Variants in KIAA1328 observed in about 807,000 individuals in gnomAD.
KIAA1328 encodes the protein KIAA1328, also known as protein hinderin.
In KIAA1328, 52 loss-of-function variants were observed where a neutral mutation model predicts 68.1. The ratio of observed to expected loss-of-function variants is 0.76; its 90% CI spans 0.61 to 0.96. KIAA1328 has a LOEUF of 0.96. Among genes scored for constraint, KIAA1328 ranks in the 40% least tolerant of loss-of-function variants. The pLI is 0.00. For missense variants in KIAA1328, 641 were observed against 677.6 expected (o/e 0.95, Z 0.60); for synonymous variants, 232 against 239.4 (o/e 0.97, Z 0.28).
intron 7 of KIAA1328, among the ~76,000 whole-genome samples, chr18:37,077,968 G>C (rs2056805673): frequency 6.6e-6 from 1 of 152,054 alleles, no homozygotes; most frequent in African/African-American, 2.4e-5. Context: ...CACAGAATTG[G>C]AAAAAACTAC....
Position 36,982,865 on chromosome 18 carries a change from G to A in KIAA1328, c.576+23430G>A, listed in dbSNP as rs150151127. On this transcript the variant is annotated intron_variant, in intron 6 of 9. Coordinates refer to ENST00000280020, the MANE Select transcript of KIAA1328 (RefSeq NM_020776.3). Reference sequence around the variant, plus strand: ...ATATTGCATTAAGGGAAAAATGAAGGTATTTTGTTGTATGGTTTTTATCCT... The same window carrying A: ...ATATTGCATTAAGGGAAAAATGAAGATATTTTGTTGTATGGTTTTTATCCT... Among the ~76,000 whole-genome samples, 1,051 of 151,996 alleles carry A rather than the reference G, an allele frequency of 6.9e-3. 12 individuals are homozygous for A. Among genetic ancestry groups the A allele is most frequent in the African/African-American group, 0.024 (1,005 of 41,496 alleles).
At chr18:37,172,907 C>T in intron 8 of KIAA1328, 66 bp from the exon 9 acceptor site, 2 of 1,177,292 alleles carry the variant, frequency 1.7e-6, no homozygotes, top group Non-Finnish European at 2.5e-6. Context: ...TATAAATTTA[C>T]TAAGAGTGAA....
intron 6 of KIAA1328, among the ~76,000 whole-genome samples, chr18:37,001,006 T>A: frequency 6.6e-6 from 1 of 151,164 alleles, no homozygotes; most frequent in Non-Finnish European, 1.5e-5. Flanking sequence ...ATAAACCAAA[T>A]CCAAAATTAA....
chr18:37,127,302 T>TA (rs1008156177), intron 7 of KIAA1328, among the ~76,000 whole-genome samples: 1 of 152,164 alleles, frequency 6.6e-6, no homozygotes, highest in Non-Finnish European at 1.5e-5. Flanking sequence ...TGCAGTTTTT[T>TA]AAAAAACACA....
chr18:37,145,362 TAACAC>T (rs906454757), intron 7 of KIAA1328, among the ~76,000 whole-genome samples: 1 of 152,224 alleles, frequency 6.6e-6, no homozygotes, highest in Non-Finnish European at 1.5e-5. Context: ...CTTTATTTTA[TAACAC>T]AACGTGTGAT....
At chr18:36,829,264 G>T (rs2046365928) in intron 1 of KIAA1328, 68 bp downstream of exon 1, 1 of 1,453,376 alleles carries the variant, frequency 6.9e-7, no homozygotes, top group African/African-American at 1.5e-5. Flanking sequence ...GAGCCGTCGC[G>T]TGGCAGTCCG....
rs563786327 is a variant in KIAA1328, at chr18:37,008,462, G to A, written c.576+49027G>A. Among the ~76,000 whole-genome samples, 9 of 152,160 alleles carry A rather than the reference G, an allele frequency of 5.9e-5. No homozygotes were observed. In the East Asian group the frequency reaches 9.7e-4, roughly 16 times the overall value. On this transcript the variant is annotated intron_variant, in intron 6 of 9. Coordinates refer to ENST00000280020, the MANE Select transcript of KIAA1328 (RefSeq NM_020776.3). ...ACAAGTCATAGGACCCATAGCCTGC[G>A]CAACATAACATTTTAAATGTCCAGG...
intron 6 of KIAA1328, among the ~76,000 whole-genome samples, chr18:36,975,390 G>C (rs1420582802): frequency 6.6e-6 from 1 of 152,086 alleles, no homozygotes; most frequent in South Asian, 2.1e-4. Flanking sequence ...CACCGTTTTA[G>C]CTGGGATGGT....
intron 6 of KIAA1328, among the ~76,000 whole-genome samples, chr18:37,037,283 A>G (rs1299170310): frequency 6.6e-6 from 1 of 152,214 alleles, no homozygotes; most frequent in East Asian, 1.9e-4. Context: ...CAGGTTACAT[A>G]TCTTAGTAAG....
intron 4 of KIAA1328, among the ~76,000 whole-genome samples, chr18:36,852,440 C>T (rs901398854): frequency 6.6e-6 from 1 of 152,144 alleles, no homozygotes; most frequent in South Asian, 2.1e-4. Flanking sequence ...TGACAAACTG[C>T]GTCTGTCGCC....
At chr18:37,120,199 A>T (rs1378714373) in intron 7 of KIAA1328, among the ~76,000 whole-genome samples, 1 of 148,400 alleles carries the variant, frequency 6.7e-6, no homozygotes, top group Admixed American at 6.7e-5. Flanking sequence ...ATTCATCTTG[A>T]TTTTACAACA....
intron 6 of KIAA1328, among the ~76,000 whole-genome samples, chr18:37,030,320 C>T (rs2054771531): frequency 1.3e-5 from 2 of 152,032 alleles, no homozygotes; most frequent in Admixed American, 1.3e-4. Context: ...CTATAAATTT[C>T]CCTCTAAGAA....
intron 7 of KIAA1328, among the ~76,000 whole-genome samples, chr18:37,113,240 G>A (rs991676727): frequency 1.4e-4 from 22 of 152,258 alleles, no homozygotes; most frequent in Admixed American, 1.3e-3. Context: ...AGAAAAAAGT[G>A]TTAAGGGCAG....
intron 7 of KIAA1328, among the ~76,000 whole-genome samples, chr18:37,075,929 C>T (rs1362515146): frequency 1.3e-5 from 2 of 152,144 alleles, no homozygotes; most frequent in African/African-American, 4.8e-5. Context: ...ATCAACGAGA[C>T]AGAAAGTTAA....
intron 7 of KIAA1328, among the ~76,000 whole-genome samples, chr18:37,068,961 A>G (rs2056436781): frequency 6.6e-6 from 1 of 152,054 alleles, no homozygotes; most frequent in Non-Finnish European, 1.5e-5. Flanking sequence ...GATCTTTCAT[A>G]GAGCAGAAAT....
intron 6 of KIAA1328, among the ~76,000 whole-genome samples, chr18:36,978,275 T>G (rs567588501): frequency 3.6e-4 from 55 of 152,320 alleles, no homozygotes; most frequent in Non-Finnish European, 6.9e-4. Context: ...CTAAAGTTTC[T>G]GTTGGGGGCT....
Position 37,085,408 on chromosome 18 carries a change from A to C in KIAA1328, c.1232+17863A>C, listed in dbSNP as rs552025789. On this transcript the variant is annotated intron_variant, in intron 7 of 9. Transcript: ENST00000280020. ...CTGTTCTTCCTACCCTTTTGAATAC[A>C]TTCCTTCTTATTTTTGTGCTACAGC... Among the ~76,000 whole-genome samples the C allele has an allele frequency of 2.0e-5, 3 of 152,198 alleles. No homozygotes were observed. The East Asian group carries it at 5.8e-4, about 29-fold the overall frequency.
In KIAA1328 at chr18:37,151,737, G is replaced by T. The variant is rs9958958; in HGVS notation, c.1233-8463G>T. On this transcript the variant is annotated intron_variant, in intron 7 of 9. Coordinates refer to ENST00000280020, the MANE Select transcript of KIAA1328 (RefSeq NM_020776.3). Reference sequence around the variant, plus strand: ...TTGGATACAAATATGGGGAAGAAATGAACCTTGATCCCTACCTCACATCCT... The same window carrying T: ...TTGGATACAAATATGGGGAAGAAATTAACCTTGATCCCTACCTCACATCCT... 2.7e-3 allele frequency among the ~76,000 whole-genome samples: 409 copies of T among 152,240 alleles called. 5 individuals are homozygous for T. Among genetic ancestry groups the T allele is most frequent in the African/African-American group, 9.3e-3 (388 of 41,556 alleles).
chr18:37,026,525 A>G (rs192847444), intron 6 of KIAA1328, among the ~76,000 whole-genome samples: 133 of 152,336 alleles, frequency 8.7e-4, no homozygotes, highest in Non-Finnish European at 1.6e-3. Flanking sequence ...CTTATCCACC[A>G]TGACCAAGTG....
Sources: allele counts gnomAD v4.1 joint callset (sites outside exome capture counted in the v4.1 genomes callset), GRCh38; gene constraint gnomAD v4.1.1; transcripts MANE v1.5; gene names NCBI Gene and HGNC (gene_info 2026-07-23, HGNC 2026-07-21).